CDH12: variants seen among roughly 807,000 people sequenced by gnomAD.
CDH12 encodes the protein cadherin 12, also known as cadherin-12.
In CDH12, 41 loss-of-function variants were observed where a neutral mutation model predicts 74.1. The ratio of observed to expected loss-of-function variants is 0.55; its 90% CI spans 0.43 to 0.72. The LOEUF is 0.72. Among genes scored for constraint, CDH12 ranks in the 30% least tolerant of loss-of-function variants. The pLI, the probability that CDH12 is intolerant of heterozygous loss-of-function variation, is 0.00. For synonymous variants in CDH12, 399 were observed against 355.0 expected, an observed-to-expected ratio of 1.12 and a Z score of -1.39; for missense variants, 945 against 977.2, an observed-to-expected ratio of 0.97 and a Z score of 0.44.
intron 1 of CDH12, among the ~76,000 whole-genome samples, chr5:22,545,183 A>G (rs1738261711): frequency 6.6e-6 from 1 of 152,190 alleles, no homozygotes; most frequent in Non-Finnish European, 1.5e-5. Flanking sequence ...ACTTAAACCA[A>G]TGTAGTTCAA....
intron 2 of CDH12, among the ~76,000 whole-genome samples, chr5:22,429,355 T>G (rs1198693414): frequency 6.6e-6 from 1 of 152,026 alleles, no homozygotes; most frequent in Non-Finnish European, 1.5e-5. Context: ...CCCAGGTTGT[T>G]CTTGAATTCC....
At chr5:22,258,173 G>A (rs1380025827) in intron 3 of CDH12, among the ~76,000 whole-genome samples, 4 of 151,936 alleles carry the variant, frequency 2.6e-5, no homozygotes, top group Admixed American at 1.3e-4. Context: ...ATCAGTTGGC[G>A]TAAATTATTC....
At chr5:22,767,904 T>G (rs1407209365) in intron 1 of CDH12, among the ~76,000 whole-genome samples, 1 of 152,030 alleles carries the variant, frequency 6.6e-6, no homozygotes, top group African/African-American at 2.4e-5. Context: ...TCTCACATTT[T>G]CAATGCAGAA....
chr5:22,523,983 T>TTTA (rs1554047102), intron 1 of CDH12, among the ~76,000 whole-genome samples: 4 of 109,934 alleles, frequency 3.6e-5, no homozygotes, highest in Admixed American at 3.4e-4. Flanking sequence ...TTATTATTAT[T>TTTA]TTTTTTTTTT....
chr5:21,849,854 C>T (rs1236154499), intron 7 of CDH12, among the ~76,000 whole-genome samples: 1 of 151,662 alleles, frequency 6.6e-6, no homozygotes, highest in African/African-American at 2.4e-5. Flanking sequence ...TGTGCACTTT[C>T]ATGTTTATTG....
chr5:22,357,537 G>T (rs534617874), intron 3 of CDH12, among the ~76,000 whole-genome samples: 40 of 152,144 alleles, frequency 2.6e-4, no homozygotes, highest in Non-Finnish European at 5.0e-4. Flanking sequence ...TGGAGAAAAT[G>T]ATTGTCAACG....
chr5:22,651,121 T>C (rs1262079045), intron 1 of CDH12, among the ~76,000 whole-genome samples: 1 of 152,060 alleles, frequency 6.6e-6, no homozygotes, highest in Non-Finnish European at 1.5e-5. Context: ...ATATCCAAAA[T>C]ATATTTTAAA....
At chr5:22,642,485 A>C (rs1347177846) in intron 1 of CDH12, among the ~76,000 whole-genome samples, 1 of 152,144 alleles carries the variant, frequency 6.6e-6, no homozygotes, top group East Asian at 1.9e-4. Flanking sequence ...GGTGAAGTCC[A>C]TGGCCTTGAT....
At chr5:21,995,289 C>G (rs547362860) in intron 5 of CDH12, among the ~76,000 whole-genome samples, 31 of 151,628 alleles carry the variant, frequency 2.0e-4, no homozygotes, top group African/African-American at 6.0e-4. Context: ...GGCTGTTGAT[C>G]TAGTGTGTAG....
intron 3 of CDH12, among the ~76,000 whole-genome samples, chr5:22,229,182 C>A (rs1026725585): frequency 2.7e-5 from 4 of 149,092 alleles, no homozygotes; most frequent in Admixed American, 6.7e-5. Context: ...GAGGAAATTT[C>A]TCCTTTTTAG....
At chr5:21,878,866 A>C (rs1752088355) in intron 6 of CDH12, among the ~76,000 whole-genome samples, 1 of 151,290 alleles carries the variant, frequency 6.6e-6, no homozygotes, top group African/African-American at 2.4e-5. Context: ...AGAAAGAAAG[A>C]AAGAGAGAGA....
intron 1 of CDH12, among the ~76,000 whole-genome samples, chr5:22,793,861 C>A (rs1016929158): frequency 2.6e-5 from 4 of 151,936 alleles, no homozygotes; most frequent in African/African-American, 4.8e-5. Flanking sequence ...AATAAGTCTT[C>A]TTCACAATTT....
chr5:22,520,949 G>A (rs926238810), intron 1 of CDH12, among the ~76,000 whole-genome samples: 3 of 150,980 alleles, frequency 2.0e-5, no homozygotes, highest in Non-Finnish European at 4.4e-5. Flanking sequence ...TGCATTATTT[G>A]TGTGACAAGC....
In CDH12 at chr5:21,940,907, A is replaced by G. The variant is rs542981059; in HGVS notation, c.526+34184T>C. ...ACAATTACTTTGGAAAAAAATCACA[A>G]AAAGGAAAAAATCATTAATCTGAGA... is the stretch of plus-strand genomic sequence containing the variant. On this transcript the variant is annotated intron_variant, in intron 6 of 14. Transcript: ENST00000382254. Among the ~76,000 whole-genome samples the G allele has an allele frequency of 1.3e-3, 204 of 152,198 alleles. 1 individual carries two copies. The highest frequency in any genetic ancestry group is 4.7e-3 in the African/African-American group (197 of 41,554).
chr5:22,174,279 A>G (rs1749207961), intron 4 of CDH12, among the ~76,000 whole-genome samples: 2 of 151,934 alleles, frequency 1.3e-5, no homozygotes, highest in South Asian at 4.1e-4. Context: ...AGTACCTTGC[A>G]CAGTACCTTG....
At chr5:22,171,934 A>C (rs1163902772) in intron 4 of CDH12, among the ~76,000 whole-genome samples, 1 of 151,956 alleles carries the variant, frequency 6.6e-6, no homozygotes, top group East Asian at 1.9e-4. Context: ...TGAGATATAA[A>C]GAAGGCAGGT....
chr5:22,612,309 CAT>C (rs755672022), intron 1 of CDH12, among the ~76,000 whole-genome samples: 2 of 152,064 alleles, frequency 1.3e-5, no homozygotes, highest in Admixed American at 1.3e-4. Flanking sequence ...GTAGTGTAAA[CAT>C]GTGTATACAT....
At chr5:22,260,782 C>T (rs1753476650) in intron 3 of CDH12, among the ~76,000 whole-genome samples, 1 of 151,886 alleles carries the variant, frequency 6.6e-6, no homozygotes, top group Non-Finnish European at 1.5e-5. Flanking sequence ...TTAGTGTTTG[C>T]TTTAAGACGT....
chr5:22,582,069 T>G (rs578006379), intron 1 of CDH12, among the ~76,000 whole-genome samples: 99 of 152,272 alleles, frequency 6.5e-4, no homozygotes, highest in Non-Finnish European at 1.1e-3. Context: ...TATGTTTGTC[T>G]ACCCTCTGGC....
Sources: allele counts gnomAD v4.1 joint callset (sites outside exome capture counted in the v4.1 genomes callset), GRCh38; gene constraint gnomAD v4.1.1; transcripts MANE v1.5; gene names NCBI Gene and HGNC (gene_info 2026-07-23, HGNC 2026-07-21).